Variants in CSMD1 observed in about 807,000 individuals in gnomAD.
The protein encoded by CSMD1 is CUB and sushi domain-containing protein 1.
In CSMD1, 213 loss-of-function variants were observed where a neutral mutation model predicts 417.5. The observed-to-expected ratio is 0.51, with a 90% confidence interval of 0.46 to 0.57. The LOEUF (loss-of-function observed/expected upper bound fraction) is 0.57, where lower values mean the gene tolerates loss of function less well. Among genes scored for constraint, CSMD1 ranks in the 20% least tolerant of loss-of-function variants. The pLI, the probability that CSMD1 is intolerant of heterozygous loss-of-function variation, is 0.00. For synonymous variants in CSMD1, 2,862 were observed against 1,736.8 expected (o/e 1.65, Z -16.11); for missense variants, 6,923 against 4,529.7 (o/e 1.53, Z -15.17).
chr8:4,760,368 T>C (rs1585055134), intron 1 of CSMD1, among the ~76,000 whole-genome samples: 1 of 152,172 alleles, frequency 6.6e-6, no homozygotes, highest in South Asian at 2.1e-4. Flanking sequence ...ATCGAGGACA[T>C]GTCTGCTGCA....
At chr8:4,711,157 AC>A (rs1458207765) in intron 1 of CSMD1, among the ~76,000 whole-genome samples, 3 of 146,884 alleles carry the variant, frequency 2.0e-5, no homozygotes, top group African/African-American at 5.2e-5. Flanking sequence ...CAATTTTCTC[AC>A]AAAAAAAAAA....
chr8:3,269,339 G>A (rs577280437), intron 26 of CSMD1, among the ~76,000 whole-genome samples: 8 of 152,316 alleles, frequency 5.3e-5, no homozygotes, highest in African/African-American at 1.9e-4. Flanking sequence ...CTCCAGCTAC[G>A]CTTGTCTTGT....
intron 10 of CSMD1, among the ~76,000 whole-genome samples, chr8:3,560,515 T>A (rs1175019663): frequency 6.6e-6 from 1 of 152,074 alleles, no homozygotes; most frequent in Non-Finnish European, 1.5e-5. Flanking sequence ...AACCTAGACC[T>A]TGAAAGCATG....
intron 23 of CSMD1, among the ~76,000 whole-genome samples, chr8:3,312,621 T>A (rs1208665970): frequency 6.6e-5 from 10 of 152,114 alleles, no homozygotes; most frequent in Non-Finnish European, 1.5e-4. Context: ...GAAGTAGCAT[T>A]GGAATCACAG....
At chr8:4,986,214 T>C (rs945589064) in intron 1 of CSMD1, among the ~76,000 whole-genome samples, 1 of 152,120 alleles carries the variant, frequency 6.6e-6, no homozygotes. Flanking sequence ...AAGTGAAAAT[T>C]TACTCAGAGC....
chr8:4,305,632 A>T (rs1285742265), intron 3 of CSMD1, among the ~76,000 whole-genome samples: 1 of 152,216 alleles, frequency 6.6e-6, no homozygotes, highest in Non-Finnish European at 1.5e-5. Flanking sequence ...GTTTTAGCTG[A>T]AGGACTCAAA....
intron 5 of CSMD1, among the ~76,000 whole-genome samples, chr8:3,765,667 G>A (rs142407429): frequency 4.5e-4 from 69 of 152,328 alleles, no homozygotes; most frequent in African/African-American, 1.6e-3. Flanking sequence ...AACAGTAAGA[G>A]AATGCTGCTC....
intron 8 of CSMD1, among the ~76,000 whole-genome samples, chr8:3,609,267 A>C: frequency 6.6e-6 from 1 of 152,106 alleles, no homozygotes; most frequent in East Asian, 1.9e-4. Flanking sequence ...GACAGTACCC[A>C]CCCATAAATT....
chr8:3,304,756 T>A (rs1220674982), intron 25 of CSMD1, among the ~76,000 whole-genome samples: 7 of 152,162 alleles, frequency 4.6e-5, no homozygotes, highest in Non-Finnish European at 1.0e-4. Flanking sequence ...ATTAAAATGT[T>A]AACAAAGTAT....
At chr8:3,615,239 A>T (rs1802077669) in intron 8 of CSMD1, among the ~76,000 whole-genome samples, 1 of 152,078 alleles carries the variant, frequency 6.6e-6, no homozygotes, top group Non-Finnish European at 1.5e-5. Context: ...ATTGACAGAC[A>T]GCAAAGTGGG....
chr8:4,316,291 T>C (rs767447254), intron 3 of CSMD1, among the ~76,000 whole-genome samples: 2 of 152,182 alleles, frequency 1.3e-5, no homozygotes, highest in Non-Finnish European at 2.9e-5. Flanking sequence ...CTGTAAGATA[T>C]CTCAAGGAAT....
intron 65 of CSMD1, among the ~76,000 whole-genome samples, chr8:2,952,406 A>G (rs780696164): frequency 6.6e-6 from 1 of 152,208 alleles, no homozygotes; most frequent in African/African-American, 2.4e-5. Flanking sequence ...GGCTGAACCT[A>G]TAAAACTTGG....
At chr8:4,036,530 A>T (rs998327241) in intron 3 of CSMD1, among the ~76,000 whole-genome samples, 2 of 152,246 alleles carry the variant, frequency 1.3e-5, no homozygotes, top group Non-Finnish European at 2.9e-5. Flanking sequence ...ACTACCATAA[A>T]ATTGAATATG....
chr8:4,111,838 G>A (rs1801873806), intron 3 of CSMD1, among the ~76,000 whole-genome samples: 1 of 152,108 alleles, frequency 6.6e-6, no homozygotes, highest in Non-Finnish European at 1.5e-5. Flanking sequence ...CCTAGGTGAT[G>A]GGTTGATAGG....
intron 3 of CSMD1, among the ~76,000 whole-genome samples, chr8:4,315,511 A>C (rs560827002): frequency 5.9e-5 from 9 of 152,324 alleles, no homozygotes; most frequent in Admixed American, 2.6e-4. Flanking sequence ...TGAACCAATA[A>C]AGTAGAAAAT....
chr8:3,628,284 C>T (rs757107244), intron 7 of CSMD1, among the ~76,000 whole-genome samples: 35 of 152,022 alleles, frequency 2.3e-4, no homozygotes, highest in Non-Finnish European at 4.9e-4. Context: ...ATCACAAAAG[C>T]CCAGCAGAGG....
At chr8:4,480,860 C>G (rs1020001225) in intron 2 of CSMD1, among the ~76,000 whole-genome samples, 3 of 152,150 alleles carry the variant, frequency 2.0e-5, no homozygotes, top group Admixed American at 2.0e-4. Context: ...TCATTAATCC[C>G]TGGGTCCCTG....
At chr8:4,851,571 G>C (rs566977047) in intron 1 of CSMD1, among the ~76,000 whole-genome samples, 3 of 151,970 alleles carry the variant, frequency 2.0e-5, no homozygotes, top group Admixed American at 6.6e-5. Flanking sequence ...CCTATGACCT[G>C]TATCTTCAGT....
intron 3 of CSMD1, among the ~76,000 whole-genome samples, chr8:4,380,320 C>A (rs924585288): frequency 6.6e-6 from 1 of 152,132 alleles, no homozygotes; most frequent in African/African-American, 2.4e-5. Context: ...TGATAGCACA[C>A]CCTCCTTACA....
Sources: allele counts gnomAD v4.1 joint callset (sites outside exome capture counted in the v4.1 genomes callset), GRCh38; gene constraint gnomAD v4.1.1; transcripts MANE v1.5; gene names NCBI Gene and HGNC (gene_info 2026-07-23, HGNC 2026-07-21).